UNC79: variants seen among roughly 807,000 people sequenced by gnomAD.
The protein encoded by UNC79 is protein unc-79 homolog.
A neutral mutation model predicts 283.1 loss-of-function variants in UNC79; 37 were observed. The observed-to-expected ratio is 0.13, with a 90% CI of 0.10 to 0.17. UNC79 has a LOEUF of 0.17. UNC79 is among the 10% of genes least tolerant of loss of function. UNC79 has a pLI of 1.00. For missense variants in UNC79, 2,272 were observed against 3,211.1 expected (o/e 0.71, Z 7.07); for synonymous variants, 1,107 against 1,200.2 (o/e 0.92, Z 1.61).
chr14:93,626,019 GT>G (rs2067543347), intron 30 of UNC79, among the ~76,000 whole-genome samples: 1 of 152,092 alleles, frequency 6.6e-6, no homozygotes, highest in Non-Finnish European at 1.5e-5. Flanking sequence ...ATTGTATGAA[GT>G]GCAACTACAT....
chr14:93,383,470 T>C (rs371801004), intron 1 of UNC79, among the ~76,000 whole-genome samples: 8 of 152,302 alleles, frequency 5.3e-5, no homozygotes, highest in South Asian at 2.1e-4. Flanking sequence ...CCAGTACATA[T>C]GAAAGGTAGG....
chr14:93,339,832 A>C (rs1282988705), intron 1 of UNC79, among the ~76,000 whole-genome samples: 1 of 152,240 alleles, frequency 6.6e-6, no homozygotes, highest in Non-Finnish European at 1.5e-5. Flanking sequence ...TGGAAATTTT[A>C]ATCTATGACA....
At chr14:93,538,365 T>C in intron 12 of UNC79, 147 bp downstream of exon 12, 2 of 848,136 alleles carry the variant, frequency 2.4e-6, no homozygotes, top group Non-Finnish European at 3.4e-6. Flanking sequence ...ATGATGCTAT[T>C]TTAATTCATG....
chr14:93,520,173 T>C (rs1171012116), intron 7 of UNC79, among the ~76,000 whole-genome samples: 1 of 151,952 alleles, frequency 6.6e-6, no homozygotes, highest in African/African-American at 2.4e-5. Context: ...TTTCACTGGG[T>C]ATAGAATTCT....
chr14:93,598,684 G>A (rs993186944), intron 24 of UNC79, among the ~76,000 whole-genome samples: 1 of 152,106 alleles, frequency 6.6e-6, no homozygotes, highest in African/African-American at 2.4e-5. Flanking sequence ...GCCACGCCTG[G>A]CTAATTTTTG....
At chr14:93,655,392 T>C in exon 38 of UNC79, 1 of 1,614,076 alleles carries the variant, frequency 6.2e-7, no homozygotes, top group East Asian at 2.2e-5. Flanking sequence ...AGCTGCCTTG[T>C]GTTTTACCTC....
chr14:93,469,870 A>G (rs1566962345), intron 2 of UNC79, among the ~76,000 whole-genome samples: 1 of 152,272 alleles, frequency 6.6e-6, no homozygotes, highest in South Asian at 2.1e-4. Context: ...TGACAGAGCG[A>G]CACCCTATCT....
chr14:93,674,843 A>G (rs1439990297), intron 41 of UNC79, among the ~76,000 whole-genome samples: 3 of 152,206 alleles, frequency 2.0e-5, no homozygotes, highest in Admixed American at 6.5e-5. Context: ...GTGCTGGCCT[A>G]AGTGACAGGT....
chr14:93,417,748 C>T (rs2055494927), intron 1 of UNC79, among the ~76,000 whole-genome samples: 3 of 151,968 alleles, frequency 2.0e-5, no homozygotes, highest in South Asian at 2.1e-4. Context: ...TCTAAACTTC[C>T]CTTCTCGCTT....
intron 1 of UNC79, chr14:93,347,208 C>A: frequency 6.6e-7 from 1 of 1,511,036 alleles, no homozygotes; most frequent in African/African-American, 1.4e-5. Context: ...CTGGAGCTTG[C>A]GTTACTTGGC....
At chr14:93,354,739 T>G (rs1183648945) in intron 1 of UNC79, among the ~76,000 whole-genome samples, 1 of 152,172 alleles carries the variant, frequency 6.6e-6, no homozygotes, top group Non-Finnish European at 1.5e-5. Flanking sequence ...TGGGCTCAAG[T>G]AATCCTCCTG....
intron 5 of UNC79, among the ~76,000 whole-genome samples, chr14:93,489,241 T>C (rs1013152284): frequency 1.3e-5 from 2 of 152,224 alleles, no homozygotes; most frequent in African/African-American, 4.8e-5. Context: ...TCTGGCAACA[T>C]ACAAATTTTG....
chr14:93,571,987 A>C (rs770796019), exon 15 of UNC79: 5 of 1,614,232 alleles, frequency 3.1e-6, no homozygotes, highest in Non-Finnish European at 4.2e-6. Context: ...TAATGTGATC[A>C]ATCAATCTGT....
chr14:93,704,141 A>G (rs1160210696), intron 47 of UNC79, among the ~76,000 whole-genome samples: 4 of 152,160 alleles, frequency 2.6e-5, no homozygotes, highest in Admixed American at 6.5e-5. Flanking sequence ...GTCTCGCTGT[A>G]TTACACCTTC....
intron 1 of UNC79, among the ~76,000 whole-genome samples, chr14:93,385,068 CACTT>C (rs2054741607): frequency 6.6e-6 from 1 of 152,262 alleles, no homozygotes; most frequent in East Asian, 1.9e-4. Context: ...AGTACCATGC[CACTT>C]TGGTTACTAT....
At chr14:93,524,186 T>C in intron 8 of UNC79, 144 bp downstream of exon 8, 2 of 942,720 alleles carry the variant, frequency 2.1e-6, no homozygotes, top group Non-Finnish European at 3.2e-6. Context: ...AATCTGATTG[T>C]ACTTTGGCAG....
Position 93,561,686 on chromosome 14 carries a change from T to C in UNC79, c.1756-10208T>C, listed in dbSNP as rs12587167. The stretch of plus-strand genomic sequence containing the variant: ...TAAGATTGAGTATAAAAATAAAGAA[T>C]AGAACTTCATCAGGGTGAAAGTATT... On this transcript the variant is annotated intron_variant, in intron 14 of 48. Transcript: ENST00000555664. Among the ~76,000 whole-genome samples, 82 of 152,134 alleles carry C rather than the reference T, an allele frequency of 5.4e-4. 2 individuals carry two copies. The East Asian group carries it at 0.015, about 28-fold the overall frequency.
chr14:93,538,202 G>T lies in UNC79; in HGVS notation c.1336G>T (p.Val446Leu). The T allele has an allele frequency of 8.8e-6, 14 of 1,596,198 alleles. No homozygotes were observed. The highest frequency in any genetic ancestry group is 1.2e-5 in the Non-Finnish European group (14 of 1,171,200). ...CGGCGCTGAGGAGCTGGTCTGCGCC[G>T]TGGAAGCCGTGATCAGGTAACACGC... The change falls in exon 12 of 49, where the codon GTG becomes TTG. Residue 446 changes from valine to leucine, a missense_variant. By Grantham distance (32) the Val-to-Leu change is conservative. This residue lies in a region of UNC79 where 142 missense variants were observed against 230.7 expected (regional missense o/e 0.62). Transcript: ENST00000555664.
intron 39 of UNC79, among the ~76,000 whole-genome samples, chr14:93,661,530 C>T (rs1358076044): frequency 6.6e-6 from 1 of 152,172 alleles, no homozygotes; most frequent in African/African-American, 2.4e-5. Context: ...ATCCTATCTT[C>T]TCTGCAGAGC....
Sources: gnomAD v4.1 joint callset for allele counts (sites outside exome capture counted in the v4.1 genomes callset) on GRCh38, gnomAD v4.1.1 for gene constraint, gnomAD v4.1.1 regional missense constraint, MANE v1.5 for transcripts, NCBI Gene and HGNC (gene_info 2026-07-23, HGNC 2026-07-21) for gene names.